SPATA6: variants seen among roughly 807,000 people sequenced by gnomAD.
SPATA6 encodes spermatogenesis associated 6.
A neutral mutation model predicts 65.3 loss-of-function variants in SPATA6; 56 were observed. The ratio of observed to expected loss-of-function variants is 0.86; its 90% CI spans 0.69 to 1.07. The LOEUF (loss-of-function observed/expected upper bound fraction) is 1.07. SPATA6 is among the 50% of genes least tolerant of loss of function. The pLI is 0.00. For synonymous variants in SPATA6, 199 were observed against 213.2 expected, an observed-to-expected ratio of 0.93 and a Z score of 0.58; for missense variants, 590 against 594.8, an observed-to-expected ratio of 0.99 and a Z score of 0.08.
At chr1:48,416,220 AT>A (rs762683937) in intron 3 of SPATA6, among the ~76,000 whole-genome samples, 333 of 152,258 alleles carry the variant, frequency 2.2e-3, no homozygotes, top group Admixed American at 4.9e-3. Context: ...TTGAAAAGAA[AT>A]GAAAAATCCT....
At chr1:48,468,615 G>A (rs1372405111) in intron 1 of SPATA6, among the ~76,000 whole-genome samples, 4 of 152,076 alleles carry the variant, frequency 2.6e-5, no homozygotes, top group African/African-American at 9.7e-5. Context: ...ATTGCGAGGG[G>A]TGATGGAAGT....
chr1:48,464,145 CA>C (rs1011373622), intron 1 of SPATA6, among the ~76,000 whole-genome samples: 1 of 151,302 alleles, frequency 6.6e-6, no homozygotes, highest in South Asian at 2.1e-4. Flanking sequence ...TTTTTTAAGC[CA>C]AAAAAATGGC....
chr1:48,365,575 T>C (rs1646976273), intron 9 of SPATA6, among the ~76,000 whole-genome samples: 2 of 152,160 alleles, frequency 1.3e-5, no homozygotes, highest in Admixed American at 6.6e-5. Flanking sequence ...TGAATGGGAG[T>C]TCACTCATGA....
intron 9 of SPATA6, among the ~76,000 whole-genome samples, chr1:48,379,248 G>A (rs1197346959): frequency 1.3e-5 from 2 of 152,142 alleles, no homozygotes; most frequent in Non-Finnish European, 2.9e-5. Context: ...CAGAACTCGT[G>A]AGAACTCACT....
chr1:48,422,487 T>C (rs1002462025), intron 3 of SPATA6, among the ~76,000 whole-genome samples: 2 of 152,142 alleles, frequency 1.3e-5, no homozygotes, highest in African/African-American at 4.8e-5. Context: ...ATAAAGTCTC[T>C]TCAATTTGGA....
At chr1:48,337,181 T>C (rs1450614699) in intron 11 of SPATA6, among the ~76,000 whole-genome samples, 1 of 151,902 alleles carries the variant, frequency 6.6e-6, no homozygotes, top group Non-Finnish European at 1.5e-5. Flanking sequence ...AGTGATTATA[T>C]TTTTAAGAAA....
At chr1:48,408,354 TA>T (rs1371956379) in intron 5 of SPATA6, among the ~76,000 whole-genome samples, 1 of 152,188 alleles carries the variant, frequency 6.6e-6, no homozygotes, top group African/African-American at 2.4e-5. Context: ...CTTTCAGCAA[TA>T]AAATATTTTC....
intron 8 of SPATA6, among the ~76,000 whole-genome samples, chr1:48,394,912 T>C (rs887028825): frequency 6.6e-6 from 1 of 152,018 alleles, no homozygotes; most frequent in Non-Finnish European, 1.5e-5. Flanking sequence ...CCTAACAACG[T>C]AATTAAAATT....
the SPATA6 span, among the ~76,000 whole-genome samples, chr1:48,275,864 G>A: frequency 2.6e-5 from 4 of 152,164 alleles, no homozygotes; most frequent in Admixed American, 2.6e-4. Context: ...AGTTATGGAG[G>A]AGTCCCTCTT....
At chr1:48,355,605 G>A in intron 11 of SPATA6, 65 bp downstream of exon 11, 1 of 1,121,324 alleles carries the variant, frequency 8.9e-7, no homozygotes, top group Non-Finnish European at 1.3e-6. Context: ...GTAAGCTTTA[G>A]GCATCTTTGG....
intron 3 of SPATA6, among the ~76,000 whole-genome samples, chr1:48,445,688 G>T (rs1178329030): frequency 1.5e-4 from 11 of 72,168 alleles, no homozygotes; most frequent in Admixed American, 5.9e-4. Context: ...AAAAAAAAAA[G>T]CTAACACATG....
At chr1:48,288,256 C>G in the SPATA6 span, among the ~76,000 whole-genome samples, 2 of 152,126 alleles carry the variant, frequency 1.3e-5, no homozygotes, top group African/African-American at 4.8e-5. Context: ...TGGCTGTTTT[C>G]TTTTCTTGAA....
At chr1:48,366,996 T>A (rs1647041674) in intron 9 of SPATA6, among the ~76,000 whole-genome samples, 1 of 152,214 alleles carries the variant, frequency 6.6e-6, no homozygotes, top group South Asian at 2.1e-4. Flanking sequence ...GTATGTTGTG[T>A]CTTTGTTCTC....
chr1:48,454,859 C>A (rs1161479245), intron 1 of SPATA6, among the ~76,000 whole-genome samples: 1 of 152,172 alleles, frequency 6.6e-6, no homozygotes. Flanking sequence ...CAGTGCTTGA[C>A]AGAACATTCA....
intron 3 of SPATA6, among the ~76,000 whole-genome samples, chr1:48,447,666 C>A (rs961774800): frequency 6.6e-6 from 1 of 152,066 alleles, no homozygotes; most frequent in Non-Finnish European, 1.5e-5. Context: ...AAACAAGTCT[C>A]AATAAATGTA....
intron 1 of SPATA6, among the ~76,000 whole-genome samples, chr1:48,459,131 G>A (rs530961755): frequency 2.0e-4 from 30 of 150,928 alleles, no homozygotes; most frequent in Non-Finnish European, 3.5e-4. Flanking sequence ...CTTGAACCCA[G>A]GAGGTGGTGG....
At chr1:48,293,094 G>A (rs528655519), downstream of SPATA6, among the ~76,000 whole-genome samples, 17 of 152,324 alleles carry the variant, frequency 1.1e-4, no homozygotes, top group South Asian at 4.1e-4. Context: ...CCCCTGCCAC[G>A]TGGCTGACAC....
At chr1:48,420,060 C>A (rs1266277981) in intron 3 of SPATA6, among the ~76,000 whole-genome samples, 2 of 152,040 alleles carry the variant, frequency 1.3e-5, no homozygotes, top group Non-Finnish European at 2.9e-5. Flanking sequence ...ACTTGCAGCA[C>A]CCCCCACAAA....
At chr1:48,280,969 A>G in the SPATA6 span, among the ~76,000 whole-genome samples, 1 of 152,188 alleles carries the variant, frequency 6.6e-6, no homozygotes, top group Non-Finnish European at 1.5e-5. Flanking sequence ...GCAGCATATC[A>G]AAAAGCTTAT....
Sources: gnomAD v4.1 joint callset for allele counts (sites outside exome capture counted in the v4.1 genomes callset) on GRCh38, gnomAD v4.1.1 for gene constraint, MANE v1.5 for transcripts, NCBI Gene and HGNC (gene_info 2026-07-23, HGNC 2026-07-21) for gene names.